Variants in CYP2C19 observed in about 807,000 individuals in gnomAD.
CYP2C19 encodes cytochrome P450 family 2 subfamily C member 19.
In CYP2C19, 59 loss-of-function variants were observed where a neutral mutation model predicts 40.9. That is an observed-to-expected ratio of 1.44 (90% confidence interval 1.17 to 1.79). The LOEUF (loss-of-function observed/expected upper bound fraction) is 1.79, where lower values mean the gene tolerates loss of function less well. Among genes scored for constraint, CYP2C19 ranks in the 40% most tolerant of loss-of-function variants. The pLI is 0.00. For missense variants in CYP2C19, 754 were observed against 596.9 expected (o/e 1.26, Z -2.74); for synonymous variants, 253 against 208.7 (o/e 1.21, Z -1.83).
intron 5 of CYP2C19, among the ~76,000 whole-genome samples, chr10:94,804,323 C>T (rs1027212215): frequency 6.6e-6 from 1 of 152,214 alleles, no homozygotes; most frequent in Non-Finnish European, 1.5e-5. Context: ...CCAGTACCCA[C>T]TGCTAAGGTG....
At position 94,853,412 on chromosome 10, in the gene CYP2C19, C is replaced by T. The variant is rs879735269; in HGVS notation, c.*498C>T. ...GGGAAGCTATTTTGGCTGAGCATTA[C>T]CAAAATTTAGAGTTACATGAGGATT... On this transcript the variant is annotated 3_prime_UTR_variant, in exon 9 of 9. Transcript: ENST00000371321. Among the ~76,000 whole-genome samples the T allele has an allele frequency of 3.9e-5, 6 of 152,012 alleles. No individual in the cohort carries two copies. The highest frequency in any genetic ancestry group is 5.9e-5 in the Non-Finnish European group (4 of 68,014).
At chr10:94,828,392 G>A (rs909132307) in intron 6 of CYP2C19, among the ~76,000 whole-genome samples, 2 of 150,832 alleles carry the variant, frequency 1.3e-5, no homozygotes, top group African/African-American at 2.4e-5. Context: ...TCTTCTTGTT[G>A]AATTGATCCC....
rs1849680343 is a variant in CYP2C19, at chr10:94,853,109, A to G, written c.*195A>G. On this transcript the variant is annotated 3_prime_UTR_variant, in exon 9 of 9. Coordinates refer to ENST00000371321, the MANE Select transcript of CYP2C19 (RefSeq NM_000769.4). ...TATCTGCTATTCCCCATACTCTATA[A>G]TAGTTACATTGAGTGCCACATAATG... 1.7e-6 allele frequency: 1 copy of G among 601,396 alleles called. No homozygotes were observed. Among genetic ancestry groups the G allele is most frequent in the African/African-American group, 1.9e-5 (1 of 53,888 alleles). 37.3% of individuals were successfully genotyped at this position (601,396 alleles called of 1,614,324 possible).
chr10:94,833,356 TTCAGTTTTCCCCAC>T (rs1231610344), intron 6 of CYP2C19, among the ~76,000 whole-genome samples: 1 of 152,212 alleles, frequency 6.6e-6, no homozygotes, highest in Non-Finnish European at 1.5e-5. Context: ...AGAAAATGCT[TTCAGTTTTCCCCAC>T]TCAGTATGGT....
At chr10:94,811,775 T>C (rs1447680956) in intron 5 of CYP2C19, among the ~76,000 whole-genome samples, 1 of 151,982 alleles carries the variant, frequency 6.6e-6, no homozygotes, top group Non-Finnish European at 1.5e-5. Flanking sequence ...GTGTGTCTTT[T>C]CACGTGAGAT....
intron 3 of CYP2C19, 28 bp from the exon 4 acceptor site, chr10:94,780,471 T>A (rs1848464759): frequency 6.2e-7 from 1 of 1,611,138 alleles, no homozygotes; most frequent in South Asian, 1.1e-5. Context: ...TGTTTACTCA[T>A]ATTTTAAAAT....
intron 7 of CYP2C19, among the ~76,000 whole-genome samples, chr10:94,848,914 TG>T (rs1336551598): frequency 6.6e-6 from 1 of 152,304 alleles, no homozygotes; most frequent in Non-Finnish European, 1.5e-5. Context: ...TTGTGATTTT[TG>T]TCCATTGATT....
In CYP2C19 at chr10:94,811,243, A is replaced by C. The variant is rs562440658; in HGVS notation, c.820-9253A>C. On this transcript the variant is annotated intron_variant, in intron 5 of 8. Transcript: ENST00000371321. Reference sequence around the variant, plus strand: ...TAATTTGATGGCACTGTGGTCTAATAGGTTGTTTGCTTTAATTTCTGTTCT... The same window carrying C: ...TAATTTGATGGCACTGTGGTCTAATCGGTTGTTTGCTTTAATTTCTGTTCT... Among the ~76,000 whole-genome samples the C allele has an allele frequency of 3.1e-3, 474 of 152,280 alleles. 3 individuals are homozygous for C. Among genetic ancestry groups the C allele is most frequent in the African/African-American group, 0.011 (451 of 41,558 alleles).
At chr10:94,770,609 G>C (rs1405520764) in intron 1 of CYP2C19, among the ~76,000 whole-genome samples, 2 of 152,090 alleles carry the variant, frequency 1.3e-5, no homozygotes, top group Non-Finnish European at 2.9e-5. Flanking sequence ...ATCTGCAGCT[G>C]ATTGGGTAAA....
At chr10:94,810,742 T>A (rs1848908714) in intron 5 of CYP2C19, among the ~76,000 whole-genome samples, 1 of 152,186 alleles carries the variant, frequency 6.6e-6, no homozygotes, top group Non-Finnish European at 1.5e-5. Context: ...ATCCCCTTTA[T>A]CATTTTTTTG....
At position 94,778,690 on chromosome 10, in the gene CYP2C19, T is replaced by A. The variant is rs139742547; in HGVS notation, c.482-1809T>A. On this transcript the variant is annotated intron_variant, in intron 3 of 8. Coordinates refer to ENST00000371321, the MANE Select transcript of CYP2C19 (RefSeq NM_000769.4). ...TGGAAGTGTAAATTATTTCAACCAC[T>A]GTGGAAGACAGTGTGGCGATTCCTC... Among the ~76,000 whole-genome samples, 471 of 152,288 alleles carry A rather than the reference T, an allele frequency of 3.1e-3. 3 individuals carry two copies. Among genetic ancestry groups the A allele is most frequent in the African/African-American group, 0.011 (448 of 41,568 alleles).
At position 94,855,364 on chromosome 10, in the gene CYP2C19, A is replaced by T. The variant is rs772569708; in HGVS notation, c.*2450A>T. Among the ~76,000 whole-genome samples the T allele has an allele frequency of 1.3e-5, 2 of 152,362 alleles. No homozygotes were observed. The highest frequency in any genetic ancestry group is 2.9e-5 in the Non-Finnish European group (2 of 68,036). On this transcript the variant is annotated 3_prime_UTR_variant, in exon 9 of 9. Coordinates refer to ENST00000371321, the MANE Select transcript of CYP2C19 (RefSeq NM_000769.4). Reference sequence around the variant, plus strand: ...TCAGAGCCAACAATTGGACAAGGGCAATCTGACTGGAAAGTAGAAGTTGCT... The same window carrying T: ...TCAGAGCCAACAATTGGACAAGGGCTATCTGACTGGAAAGTAGAAGTTGCT...
rs56401472 is a variant in CYP2C19 at position 94,842,937 on chromosome 10, G to C, written c.1062G>C (p.Glu354Asp). Reference protein sequence around the residue: ...HMPYTDAVVHEVQRYIDLIPT... With the variant: ...HMPYTDAVVHDVQRYIDLIPT... ...CCTACACAGATGCTGTGGTGCACGA[G>C]GTCCAGAGATACATCGACCTCATCC... The change falls in exon 7 of 9, where the codon GAG becomes GAC. Residue 354 changes from glutamate to aspartate, a missense_variant. Coordinates refer to ENST00000371321, the MANE Select transcript of CYP2C19 (RefSeq NM_000769.4). 1.2e-6 allele frequency: 2 copies of C among 1,614,084 alleles called. No individual in the cohort carries two copies. Among genetic ancestry groups the C allele is most frequent in the Non-Finnish European group, 1.7e-6 (2 of 1,180,054 alleles).
chr10:94,769,814 G>A (rs1279315587), intron 1 of CYP2C19, among the ~76,000 whole-genome samples: 1 of 152,116 alleles, frequency 6.6e-6, no homozygotes, highest in African/African-American at 2.4e-5. Context: ...CCAGTGCCCA[G>A]ACTTCAGGGT....
At chr10:94,850,558 G>A (rs1849637323) in intron 8 of CYP2C19, among the ~76,000 whole-genome samples, 1 of 152,192 alleles carries the variant, frequency 6.6e-6, no homozygotes, top group Non-Finnish European at 1.5e-5. Context: ...TAGGACTGAG[G>A]CTGTGATATA....
chr10:94,808,329 G>C (rs1291345529), intron 5 of CYP2C19, among the ~76,000 whole-genome samples: 1 of 152,020 alleles, frequency 6.6e-6, no homozygotes. Context: ...ATATATATTT[G>C]ATGGGTACAT....
At chr10:94,803,429 G>A (rs142628821) in intron 5 of CYP2C19, among the ~76,000 whole-genome samples, 10 of 152,302 alleles carry the variant, frequency 6.6e-5, no homozygotes, top group Non-Finnish European at 1.5e-4. Flanking sequence ...GCTAGCACAA[G>A]TTTCTCTAGC....
chr10:94,848,368 G>A (rs1205068994), intron 7 of CYP2C19, among the ~76,000 whole-genome samples: 1 of 152,130 alleles, frequency 6.6e-6, no homozygotes, highest in South Asian at 2.1e-4. Flanking sequence ...TGTCAAGTTT[G>A]TCAAAGATCA....
intron 8 of CYP2C19, among the ~76,000 whole-genome samples, chr10:94,852,144 G>A (rs967034742): frequency 2.0e-5 from 3 of 152,082 alleles, no homozygotes; most frequent in Non-Finnish European, 4.4e-5. Context: ...AATGTGATAC[G>A]GATCATCAGA....
Sources: allele counts gnomAD v4.1 joint callset (sites outside exome capture counted in the v4.1 genomes callset), GRCh38; gene constraint gnomAD v4.1.1; transcripts MANE v1.5; gene names NCBI Gene and HGNC (gene_info 2026-07-23, HGNC 2026-07-21).